RAPGEF2: variants seen among roughly 807,000 people sequenced by gnomAD.
RAPGEF2 encodes the protein PDZ domain containing guanine nucleotide exchange factor (GEF) 1.
In RAPGEF2, 54 loss-of-function variants were observed where a neutral mutation model predicts 186.7. The observed-to-expected ratio is 0.29, with a 90% confidence interval of 0.23 to 0.36. The LOEUF (loss-of-function observed/expected upper bound fraction) is 0.36. Among genes scored for constraint, RAPGEF2 ranks in the 10% least tolerant of loss-of-function variants. The probability of loss-of-function intolerance (pLI) is 1.00; values close to 1 mark genes in which losing one functional copy is unlikely to be tolerated. For missense variants in RAPGEF2, 1,532 were observed against 2,045.0 expected (o/e 0.75, Z 4.84); for synonymous variants, 712 against 705.9 (o/e 1.01, Z -0.14).
At chr4:159,309,143 G>A (rs1242220232) in intron 8 of RAPGEF2, among the ~76,000 whole-genome samples, 4 of 152,162 alleles carry the variant, frequency 2.6e-5, no homozygotes, top group African/African-American at 9.7e-5. Context: ...TCTAACTGCA[G>A]ATCATAGCTT....
At chr4:159,216,139 AT>A (rs1405027277) in intron 4 of RAPGEF2, among the ~76,000 whole-genome samples, 2 of 152,186 alleles carry the variant, frequency 1.3e-5, no homozygotes, top group Non-Finnish European at 2.9e-5. Flanking sequence ...TGAAACATGC[AT>A]TGACCACACT....
intron 4 of RAPGEF2, among the ~76,000 whole-genome samples, chr4:159,234,324 AATG>A (rs1389608168): frequency 1.3e-5 from 2 of 152,108 alleles, no homozygotes; most frequent in Non-Finnish European, 2.9e-5. Context: ...GTTTTTTAAA[AATG>A]ATTATTTTAG....
rs1486211346 is a variant in RAPGEF2, at chr4:159,241,279, A to G, written c.436A>G (p.Ile146Val). The G allele has an allele frequency of 1.3e-6, 2 of 1,534,134 alleles. No homozygotes were observed. The stretch of plus-strand genomic sequence containing the variant: ...ACAGTCTCGAAGGAGATTTAGAAAA[A>G]TCAACCAGAAAGGTGAAAGACAAAC... ...HRQSRRRFRK[I>V]NQKGERQTII... Residue 146 changes from isoleucine to valine, a missense_variant, in exon 6 of 30, where the codon ATC (isoleucine) becomes GTC (valine). Physicochemically the swap from Ile to Val is conservative, Grantham distance 29 (BLOSUM62 3). This residue lies in a region of RAPGEF2 where 810 missense variants were observed against 1,210.5 expected (regional missense o/e 0.67). Transcript: ENST00000691494.
At chr4:159,233,716 A>G (rs922598068) in intron 4 of RAPGEF2, among the ~76,000 whole-genome samples, 1 of 152,146 alleles carries the variant, frequency 6.6e-6, no homozygotes, top group Non-Finnish European at 1.5e-5. Context: ...ACAAATCACT[A>G]AAGAACTTAT....
intron 3 of RAPGEF2, among the ~76,000 whole-genome samples, chr4:159,195,719 C>T (rs1430535968): frequency 6.6e-6 from 1 of 151,750 alleles, no homozygotes; most frequent in African/African-American, 2.4e-5. Context: ...TGTGTACATG[C>T]TGGGGTAAAC....
intron 3 of RAPGEF2, among the ~76,000 whole-genome samples, chr4:159,194,130 T>G (rs561123314): frequency 2.0e-4 from 31 of 152,296 alleles, no homozygotes; most frequent in African/African-American, 7.0e-4. Flanking sequence ...CTCAAAGATG[T>G]GTCCCGGAGG....
At chr4:159,131,924 A>G (rs1741158929) in intron 1 of RAPGEF2, among the ~76,000 whole-genome samples, 2 of 152,188 alleles carry the variant, frequency 1.3e-5, no homozygotes, top group Non-Finnish European at 2.9e-5. Flanking sequence ...GTGGGAAGTT[A>G]CAGTCTCCTT....
intron 1 of RAPGEF2, among the ~76,000 whole-genome samples, chr4:159,141,582 G>GTA (rs1553998932): frequency 0.012 from 1,684 of 139,040 alleles, 17 homozygotes; most frequent in Non-Finnish European, 0.019. Flanking sequence ...GACTAAGTGT[G>GTA]TATATATATA....
At chr4:159,110,939 A>G (rs1429374069) in intron 1 of RAPGEF2, among the ~76,000 whole-genome samples, 2 of 151,836 alleles carry the variant, frequency 1.3e-5, no homozygotes, top group Non-Finnish European at 2.9e-5. Flanking sequence ...ACTATGTTCA[A>G]GTGATTATGT....
intron 1 of RAPGEF2, among the ~76,000 whole-genome samples, chr4:159,136,884 A>C (rs936243513): frequency 2.6e-5 from 4 of 152,194 alleles, no homozygotes; most frequent in Non-Finnish European, 5.9e-5. Flanking sequence ...CCTGCACCTG[A>C]ACTGGCTACT....
At chr4:159,172,094 A>G (rs1199593860) in intron 1 of RAPGEF2, among the ~76,000 whole-genome samples, 1 of 152,252 alleles carries the variant, frequency 6.6e-6, no homozygotes, top group Non-Finnish European at 1.5e-5. Context: ...CATTAAGCTT[A>G]TCAAGGATCT....
chr4:159,109,519 G>T (rs1354914777), intron 1 of RAPGEF2, among the ~76,000 whole-genome samples: 2 of 152,188 alleles, frequency 1.3e-5, no homozygotes, highest in Admixed American at 6.5e-5. Flanking sequence ...ATTATTTAGT[G>T]TAATGCCTAA....
At chr4:159,260,329 C>T (rs1756670516) in intron 7 of RAPGEF2, among the ~76,000 whole-genome samples, 1 of 151,654 alleles carries the variant, frequency 6.6e-6, no homozygotes, top group Non-Finnish European at 1.5e-5. Flanking sequence ...TTCTCCCTCG[C>T]ACTGCCAAAA....
At chr4:159,246,641 A>G (rs1754654094) in intron 7 of RAPGEF2, among the ~76,000 whole-genome samples, 1 of 152,190 alleles carries the variant, frequency 6.6e-6, no homozygotes, top group African/African-American at 2.4e-5. Context: ...CAATGAAAAC[A>G]TTACAGCATT....
At chr4:159,237,629 GA>G (rs1298879896) in intron 4 of RAPGEF2, among the ~76,000 whole-genome samples, 1 of 151,658 alleles carries the variant, frequency 6.6e-6, no homozygotes, top group Admixed American at 6.6e-5. Flanking sequence ...AATTAACTTG[GA>G]AAAAAATTGT....
chr4:159,284,354 A>G (rs1247520092), intron 7 of RAPGEF2, among the ~76,000 whole-genome samples: 2 of 152,224 alleles, frequency 1.3e-5, no homozygotes, highest in African/African-American at 2.4e-5. Flanking sequence ...TCTTGTACAC[A>G]TAACTCCAAG....
Position 159,352,771 on chromosome 4 carries a change from A to G in RAPGEF2, c.3952A>G (p.Asn1318Asp). ...EISSRSSIVS[N>D]SSFDSVPVSL... ...TTCTTCACGATCCAGTATTGTTAGC[A>G]ATTCGTCTTTTGACTCAGTGCCAGT... The change falls in exon 27 of 30, where the codon AAT (asparagine) becomes GAT (aspartate). Residue 1318 changes from asparagine to aspartate, a missense_variant. Physicochemically the swap from Asn to Asp is conservative, Grantham distance 23 (BLOSUM62 1). Transcript: ENST00000691494. The G allele has an allele frequency of 6.2e-7, 1 of 1,614,188 alleles. No individual in the cohort carries two copies. Among genetic ancestry groups the G allele is most frequent in the Non-Finnish European group, 8.5e-7 (1 of 1,180,026 alleles).
At chr4:159,124,744 TGTA>T (rs778806436) in intron 1 of RAPGEF2, among the ~76,000 whole-genome samples, 5 of 152,214 alleles carry the variant, frequency 3.3e-5, no homozygotes, top group Non-Finnish European at 7.3e-5. Flanking sequence ...GACTAGGACT[TGTA>T]GTAACTCTAA....
chr4:159,180,395 C>T (rs1331329837), intron 1 of RAPGEF2, among the ~76,000 whole-genome samples: 2 of 152,070 alleles, frequency 1.3e-5, no homozygotes, highest in Admixed American at 1.3e-4. Flanking sequence ...CGTAGTGAAA[C>T]ATTACTTATG....
Sources: gnomAD v4.1 joint callset for allele counts (sites outside exome capture counted in the v4.1 genomes callset) on GRCh38, gnomAD v4.1.1 for gene constraint, gnomAD v4.1.1 regional missense constraint, MANE v1.5 for transcripts, NCBI Gene and HGNC (gene_info 2026-07-23, HGNC 2026-07-21) for gene names.